COLGALT1: variants seen among roughly 807,000 people sequenced by gnomAD.
The protein encoded by COLGALT1 is procollagen galactosyltransferase 1.
Under a neutral mutation model 60.8 loss-of-function variants are expected in COLGALT1, and 43 were observed. The ratio of observed to expected loss-of-function variants is 0.71; its 90% CI spans 0.55 to 0.91. The LOEUF (loss-of-function observed/expected upper bound fraction) is 0.91. Among genes scored for constraint, COLGALT1 ranks in the 40% least tolerant of loss-of-function variants. The pLI is 0.00. For synonymous variants in COLGALT1, 369 were observed against 374.2 expected (o/e 0.99, Z 0.16); for missense variants, 845 against 880.0 (o/e 0.96, Z 0.50).
rs1428948504 is a variant in COLGALT1, at chr19:17,576,799, TG to T, written c.950-390del. On this transcript the variant is annotated intron_variant, in intron 6 of 11. Transcript: ENST00000252599. ...CGTGGCCAGGGCTGAGTGGTGCGGC[TG>T]GGGGGCAGGTTGAAGCTGTAGCCTG... Among the ~76,000 whole-genome samples, 636 of 68,826 alleles carry T rather than the reference TG, an allele frequency of 9.2e-3. 4 individuals carry two copies. Among genetic ancestry groups the T allele is most frequent in the African/African-American group, 0.035 (606 of 17,400 alleles). The allele number at this position is 68,826 out of a possible 152,430, so 45.2% of individuals were successfully genotyped here.
intron 1 of COLGALT1, among the ~76,000 whole-genome samples, chr19:17,558,908 T>C (rs939771060): frequency 2.6e-5 from 4 of 151,384 alleles, no homozygotes; most frequent in East Asian, 2.0e-4. Context: ...GCTTGTTAAG[T>C]CCAGCACTTT....
At chr19:17,574,061 G>T (rs572194806) in intron 6 of COLGALT1, among the ~76,000 whole-genome samples, 1 of 151,944 alleles carries the variant, frequency 6.6e-6, no homozygotes, top group Non-Finnish European at 1.5e-5. Context: ...GGAGGAGCAC[G>T]CAGGGCTGAG....
At chr19:17,559,796 T>C (rs1049399580) in intron 2 of COLGALT1, among the ~76,000 whole-genome samples, 7 of 148,186 alleles carry the variant, frequency 4.7e-5, no homozygotes, top group Non-Finnish European at 1.1e-4. Flanking sequence ...TGGGTTTTTG[T>C]TTTTTTTTTG....
chr19:17,558,341 C>T (rs1428304281), intron 1 of COLGALT1, among the ~76,000 whole-genome samples: 3 of 148,626 alleles, frequency 2.0e-5, no homozygotes, highest in African/African-American at 7.4e-5. Flanking sequence ...TCTCAAAGTG[C>T]TGGGATGACA....
intron 5 of COLGALT1, among the ~76,000 whole-genome samples, chr19:17,570,732 A>G (rs1195987414): frequency 6.6e-6 from 1 of 151,634 alleles, no homozygotes; most frequent in Non-Finnish European, 1.5e-5. Context: ...CGCCTGGCTA[A>G]TTTTTGTATT....
At position 17,568,680 on chromosome 19, in the gene COLGALT1, A is replaced by G. The variant is rs1221580957; in HGVS notation, c.796A>G (p.Ile266Val). The G allele has an allele frequency of 5.0e-6, 8 of 1,614,184 alleles. No individual in the cohort carries two copies. The highest frequency in any genetic ancestry group is 5.9e-6 in the Non-Finnish European group (7 of 1,180,032). ...TGACTACACCTGGTCCTTTGACGAC[A>G]TCATCGTCTTTGCCTTCTCCTGCAA... ...HPDYTWSFDD[I>V]IVFAFSCKQA... The change falls in exon 5 of 12, where the codon ATC (isoleucine) becomes GTC (valine). Residue 266 changes from isoleucine to valine, a missense_variant. Physicochemically the swap from Ile to Val is conservative, Grantham distance 29. Transcript: ENST00000252599.
chr19:17,559,146 C>G (rs527748617), intron 1 of COLGALT1, among the ~76,000 whole-genome samples, 165 bp from the exon 2 acceptor site: 1 of 151,982 alleles, frequency 6.6e-6, no homozygotes, highest in Admixed American at 6.6e-5. Context: ...GGCAACAGAG[C>G]GAGACTCTGT....
At position 17,568,594 on chromosome 19, in the gene COLGALT1, C is replaced by T. The variant is rs1351700073; in HGVS notation, c.710C>T (p.Thr237Ile). The change falls in exon 5 of 12, where the codon ACC becomes ATC. Residue 237 changes from threonine (T) to isoleucine (I), a missense_variant. Coordinates refer to ENST00000252599, the MANE Select transcript of COLGALT1 (RefSeq NM_024656.4). ...GCFAVPMVHS[T>I]FLIDLRKAAS... The stretch of plus-strand genomic sequence containing the variant: ...TTTGCAGTTCCCATGGTGCACTCGA[C>T]CTTCCTGATCGACCTGCGGAAGGCG... 3 of 1,614,226 alleles carry T rather than the reference C, an allele frequency of 1.9e-6. No homozygotes were observed. The highest frequency in any genetic ancestry group is 1.7e-6 in the Non-Finnish European group (2 of 1,180,036).
At chr19:17,576,657 A>G (rs2076342739) in intron 6 of COLGALT1, among the ~76,000 whole-genome samples, 1 of 84,936 alleles carries the variant, frequency 1.2e-5, no homozygotes, top group African/African-American at 4.7e-5. Context: ...AAGCTGTTGC[A>G]TGGCCAGGGT....
intron 3 of COLGALT1, among the ~76,000 whole-genome samples, chr19:17,564,798 T>C (rs1293432171): frequency 6.6e-6 from 1 of 152,112 alleles, no homozygotes; most frequent in Non-Finnish European, 1.5e-5. Flanking sequence ...TCAGTTCACA[T>C]ATATATTTAT....
chr19:17,577,325 A>T (rs1413822178), intron 7 of COLGALT1, 36 bp from the exon 8 acceptor site: 1 of 1,608,464 alleles, frequency 6.2e-7, no homozygotes, highest in Non-Finnish European at 8.5e-7. Flanking sequence ...CCTTGTTTGC[A>T]GGGGCTGATC....
intron 6 of COLGALT1, among the ~76,000 whole-genome samples, chr19:17,576,917 G>A (rs1226352629): frequency 7.4e-6 from 1 of 135,506 alleles, no homozygotes; most frequent in African/African-American, 3.6e-5. Flanking sequence ...CCTTGGGCGC[G>A]GTGAAGCTGG....
At chr19:17,566,964 A>T (rs1482524481) in intron 3 of COLGALT1, among the ~76,000 whole-genome samples, 1 of 152,032 alleles carries the variant, frequency 6.6e-6, no homozygotes, top group Non-Finnish European at 1.5e-5. Context: ...AAATACAAAA[A>T]GTTACCCGGG....
chr19:17,570,602 G>A lies in COLGALT1; in HGVS notation c.830-1881G>A, dbSNP rs140828265. 2.4e-3 allele frequency among the ~76,000 whole-genome samples: 363 copies of A among 151,942 alleles called. 1 individual carries two copies. The highest frequency in any genetic ancestry group is 6.5e-3 in the African/African-American group (269 of 41,440). On this transcript the variant is annotated intron_variant, in intron 5 of 11. Transcript: ENST00000252599. ...TTTATTTGACACAGGGTCTCCCTCCGTTGCCCAGGCTGGAGTACAGTGGCA... is the reference window on the plus strand; with the variant it reads ...TTTATTTGACACAGGGTCTCCCTCCATTGCCCAGGCTGGAGTACAGTGGCA...
rs758607368 is a variant in COLGALT1, at chr19:17,567,566, G to A, written c.624+26G>A. 3 of 1,606,808 alleles carry A rather than the reference G, an allele frequency of 1.9e-6. 1 individual carries two copies. The South Asian group carries it at 3.3e-5, about 18-fold the overall frequency. On this transcript the variant is annotated intron_variant, in intron 4 of 11. Coordinates refer to ENST00000252599, the MANE Select transcript of COLGALT1 (RefSeq NM_024656.4). ...GTAGAGTGAGGGCCTGGGGACTGTG[G>A]GGACTGGGCTGAGCAGGGGGGTGCC...
At chr19:17,579,416 G>A (rs1471480193) in intron 9 of COLGALT1, 66 bp from the exon 10 acceptor site, 2 of 1,608,120 alleles carry the variant, frequency 1.2e-6, no homozygotes, top group African/African-American at 1.3e-5. Flanking sequence ...TCAAAGCAAA[G>A]CTCTGTGCTT....
At chr19:17,568,817 A>G (rs1009935552) in intron 5 of COLGALT1, 104 bp downstream of exon 5, 5 of 1,151,208 alleles carry the variant, frequency 4.3e-6, no homozygotes, top group African/African-American at 1.5e-5. Flanking sequence ...AACCCAAACA[A>G]TGCAGCGCAG....
intron 11 of COLGALT1, 124 bp downstream of exon 11, chr19:17,581,029 G>GC: frequency 7.2e-7 from 1 of 1,393,564 alleles, no homozygotes; most frequent in South Asian, 1.2e-5. Context: ...CCCTCCGTTT[G>GC]CCCCCTCGCA....
At chr19:17,557,131 C>T (rs1390420141) in intron 1 of COLGALT1, among the ~76,000 whole-genome samples, 1 of 152,134 alleles carries the variant, frequency 6.6e-6, no homozygotes, top group Admixed American at 6.6e-5. Flanking sequence ...ACTAAACTCC[C>T]AAATGTCGCT....
Sources: gnomAD v4.1 joint callset for allele counts (sites outside exome capture counted in the v4.1 genomes callset) on GRCh38, gnomAD v4.1.1 for gene constraint, MANE v1.5 for transcripts, NCBI Gene and HGNC (gene_info 2026-07-23, HGNC 2026-07-21) for gene names.